Variants in DSCAML1 observed in about 807,000 individuals in gnomAD.
DSCAML1 encodes DS cell adhesion molecule like 1.
In DSCAML1, 38 loss-of-function variants were observed where a neutral mutation model predicts 200.5. The ratio of observed to expected loss-of-function variants is 0.19; its 90% CI spans 0.15 to 0.25. DSCAML1 has a LOEUF of 0.25. DSCAML1 is among the 10% of genes least tolerant of loss of function. The pLI is 1.00. For missense variants in DSCAML1, 2,223 were observed against 2,858.8 expected (o/e 0.78, Z 5.07); for synonymous variants, 1,215 against 1,165.0 (o/e 1.04, Z -0.87).
chr11:117,624,895 G>A (rs761983563), intron 3 of DSCAML1, among the ~76,000 whole-genome samples: 20 of 152,162 alleles, frequency 1.3e-4, no homozygotes, highest in Non-Finnish European at 2.1e-4. Flanking sequence ...GGGAGGCAGG[G>A]TTGGATTTTG....
chr11:117,675,695 C>T (rs1199915924), intron 3 of DSCAML1, among the ~76,000 whole-genome samples: 1 of 151,918 alleles, frequency 6.6e-6, no homozygotes, highest in African/African-American at 2.4e-5. Context: ...GTGCAGGTCC[C>T]CCCTTTCCCC....
chr11:117,556,522 T>TTTCTC (rs2050561739), intron 3 of DSCAML1, among the ~76,000 whole-genome samples: 1 of 3,570 alleles, frequency 2.8e-4, no homozygotes, highest in Non-Finnish European at 1.1e-3. Context: ...TCTTTTCCAG[T>TTTCTC]TAATTTCTCT....
intron 1 of DSCAML1, among the ~76,000 whole-genome samples, chr11:117,783,751 C>T (rs549661168): frequency 5.1e-4 from 77 of 152,282 alleles, no homozygotes; most frequent in South Asian, 1.2e-3. Flanking sequence ...TACTCTACTG[C>T]AGAAACCCCA....
At chr11:117,633,539 C>T (rs2052218058) in intron 3 of DSCAML1, among the ~76,000 whole-genome samples, 1 of 152,206 alleles carries the variant, frequency 6.6e-6, no homozygotes, top group Non-Finnish European at 1.5e-5. Context: ...ATTTTCCTTG[C>T]TAATCCCCTT....
At chr11:117,683,584 G>A (rs568453961) in intron 3 of DSCAML1, among the ~76,000 whole-genome samples, 1 of 152,296 alleles carries the variant, frequency 6.6e-6, no homozygotes, top group South Asian at 2.1e-4. Flanking sequence ...CACAGCTGGT[G>A]GATAAAAGAG....
At chr11:117,451,723 G>A (rs932247481) in intron 19 of DSCAML1, among the ~76,000 whole-genome samples, 3 of 151,930 alleles carry the variant, frequency 2.0e-5, no homozygotes, top group African/African-American at 7.3e-5. Context: ...GCTGAGGCAG[G>A]AGAATCACTT....
intron 3 of DSCAML1, among the ~76,000 whole-genome samples, chr11:117,684,934 G>C (rs1325296657): frequency 6.6e-6 from 1 of 152,244 alleles, no homozygotes; most frequent in African/African-American, 2.4e-5. Context: ...CCCCAGTGGA[G>C]ATGCCAGGGC....
At chr11:117,771,400 C>T (rs1053953867) in intron 3 of DSCAML1, among the ~76,000 whole-genome samples, 3 of 152,166 alleles carry the variant, frequency 2.0e-5, no homozygotes, top group African/African-American at 7.2e-5. Flanking sequence ...CCCAACAAAG[C>T]CTTCTTGTTA....
intron 3 of DSCAML1, among the ~76,000 whole-genome samples, chr11:117,665,427 G>A (rs1284539232): frequency 6.6e-6 from 1 of 152,230 alleles, no homozygotes; most frequent in African/African-American, 2.4e-5. Flanking sequence ...TACGCGAGCT[G>A]TGGTCTAAGA....
chr11:117,700,479 C>G (rs996054931), intron 3 of DSCAML1, among the ~76,000 whole-genome samples: 4 of 152,224 alleles, frequency 2.6e-5, no homozygotes, highest in Admixed American at 6.5e-5. Context: ...GGAAGCCCAG[C>G]CAGTTCGAAC....
At chr11:117,621,196 T>C (rs749717635) in intron 3 of DSCAML1, among the ~76,000 whole-genome samples, 1 of 152,270 alleles carries the variant, frequency 6.6e-6, no homozygotes, top group Non-Finnish European at 1.5e-5. Context: ...TACCACTTAC[T>C]AGCTGTGCAT....
chr11:117,492,031 G>C (rs1348111437), intron 11 of DSCAML1, among the ~76,000 whole-genome samples: 2 of 152,108 alleles, frequency 1.3e-5, no homozygotes, highest in African/African-American at 4.8e-5. Context: ...CACCTTGGAA[G>C]CTTTTAAAAA....
At position 117,521,168 on chromosome 11, in the gene DSCAML1, G is replaced by T; in HGVS notation, c.1175C>A (p.Ala392Asp). The part of the protein sequence containing the change: ...GAYQCFATRK[A>D]QTAQDFAIIA... ...GATGGCAAAGTCCTGGGCGGTCTGG[G>T]CCTTGCGGGTAGCGAAGCACTGGTA... Residue 392 changes from alanine (A) to aspartate (D), a missense_variant, in exon 6 of 33, where the codon GCC becomes GAC. Ala to Asp is a moderately radical substitution (Grantham distance 126, BLOSUM62 -2). This residue lies in a region of DSCAML1 where 579 missense variants were observed against 721.5 expected (regional missense o/e 0.80). Coordinates refer to ENST00000651296, the MANE Select transcript of DSCAML1 (RefSeq NM_020693.4). 2 of 1,614,132 alleles carry T rather than the reference G, an allele frequency of 1.2e-6. No homozygotes were observed. Among genetic ancestry groups the T allele is most frequent in the Non-Finnish European group, 1.7e-6 (2 of 1,180,036 alleles).
At chr11:117,808,210 A>G (rs1396898930) in intron 1 of DSCAML1, among the ~76,000 whole-genome samples, 1 of 152,220 alleles carries the variant, frequency 6.6e-6, no homozygotes, top group Admixed American at 6.5e-5. Context: ...GAGGCTTCAG[A>G]AAGAGAGTGA....
chr11:117,657,455 C>A (rs994430848), intron 3 of DSCAML1, among the ~76,000 whole-genome samples: 2 of 152,194 alleles, frequency 1.3e-5, no homozygotes. Flanking sequence ...CAGGAAAAAG[C>A]GTGTCTCTCC....
chr11:117,649,766 C>T (rs1273531873), intron 3 of DSCAML1, among the ~76,000 whole-genome samples: 2 of 152,246 alleles, frequency 1.3e-5, no homozygotes, highest in Non-Finnish European at 2.9e-5. Context: ...CTGTTCTCAA[C>T]CTACCTTTCT....
chr11:117,665,639 G>C (rs2052960139), intron 3 of DSCAML1, among the ~76,000 whole-genome samples: 1 of 152,154 alleles, frequency 6.6e-6, no homozygotes, highest in Non-Finnish European at 1.5e-5. Flanking sequence ...CTATTTTACA[G>C]ATGAGGAGAC....
intron 3 of DSCAML1, among the ~76,000 whole-genome samples, chr11:117,670,545 A>C (rs1017833723): frequency 6.6e-6 from 1 of 152,140 alleles, no homozygotes; most frequent in Non-Finnish European, 1.5e-5. Context: ...AGGGAATGAC[A>C]GACTCAGATT....
chr11:117,566,644 T>C (rs1242953757), intron 3 of DSCAML1, among the ~76,000 whole-genome samples: 6 of 151,806 alleles, frequency 4.0e-5, no homozygotes, highest in African/African-American at 9.7e-5. Flanking sequence ...TAGTTACATA[T>C]GTATACATGT....
Sources: gnomAD v4.1 joint callset for allele counts (sites outside exome capture counted in the v4.1 genomes callset) on GRCh38, gnomAD v4.1.1 for gene constraint, gnomAD v4.1.1 regional missense constraint, MANE v1.5 for transcripts, NCBI Gene and HGNC (gene_info 2026-07-23, HGNC 2026-07-21) for gene names.